CIMIP5: variants seen among roughly 807,000 people sequenced by gnomAD.
CIMIP5 encodes ciliary microtubule inner protein 5.
chr2:11,153,689 G>GT, the CIMIP5 span, among the ~76,000 whole-genome samples: 1 of 152,188 alleles, frequency 6.6e-6, no homozygotes. Context: ...GCTCATGCCT[G>GT]TAATCCCAGC....
the CIMIP5 span, among the ~76,000 whole-genome samples, chr2:11,142,766 C>T: frequency 7.3e-6 from 1 of 136,660 alleles, no homozygotes; most frequent in Non-Finnish European, 1.5e-5. Context: ...GTTGCCCAGG[C>T]TGGAGTGAAG....
the CIMIP5 span, chr2:11,133,538 G>A: frequency 1.9e-6 from 3 of 1,607,904 alleles, no homozygotes; most frequent in Non-Finnish European, 2.5e-6. Context: ...GCGTGCAGCA[G>A]GACCAGCTGT....
the CIMIP5 span, among the ~76,000 whole-genome samples, chr2:11,149,743 A>T: frequency 6.6e-6 from 1 of 152,080 alleles, no homozygotes; most frequent in African/African-American, 2.4e-5. Flanking sequence ...TAAAATAAAA[A>T]TAAAAAAAGT....
At chr2:11,135,529 C>G in the CIMIP5 span, among the ~76,000 whole-genome samples, 1 of 152,098 alleles carries the variant, frequency 6.6e-6, no homozygotes, top group Non-Finnish European at 1.5e-5. Context: ...CTCCTGTGTT[C>G]AAGCAATTCT....
chr2:11,144,447 A>C, the CIMIP5 span: 30 of 186,316 alleles, frequency 1.6e-4, no homozygotes, highest in East Asian at 3.7e-3. Context: ...GAGCTGTGGG[A>C]CCTTGAGCTG....
chr2:11,143,964 C>G, the CIMIP5 span: 2 of 1,604,760 alleles, frequency 1.2e-6, no homozygotes, highest in Non-Finnish European at 1.7e-6. Flanking sequence ...ATGTGCCTCT[C>G]TTTTCGGACA....
the CIMIP5 span, among the ~76,000 whole-genome samples, chr2:11,148,385 G>A: frequency 3.2e-4 from 48 of 152,066 alleles, no homozygotes; most frequent in Non-Finnish European, 6.0e-4. Context: ...CCAAAGTGCT[G>A]GGATTACAGG....
At chr2:11,143,882 C>G in the CIMIP5 span, 4 of 1,489,882 alleles carry the variant, frequency 2.7e-6, no homozygotes, top group African/African-American at 1.4e-5. Context: ...CCTCCTTTTT[C>G]CACGCTCTGT....
At chr2:11,141,286 G>A in the CIMIP5 span, among the ~76,000 whole-genome samples, 8 of 152,082 alleles carry the variant, frequency 5.3e-5, no homozygotes, top group Non-Finnish European at 1.0e-4. Flanking sequence ...ACACCACCAT[G>A]CCTGGCTAAT....
chr2:11,134,235 A>G, the CIMIP5 span, among the ~76,000 whole-genome samples: 3 of 152,206 alleles, frequency 2.0e-5, no homozygotes, highest in African/African-American at 4.8e-5. Flanking sequence ...TCTAAAAAAC[A>G]AAACAAAGAA....
At chr2:11,135,434 G>GTT in the CIMIP5 span, among the ~76,000 whole-genome samples, 1 of 151,910 alleles carries the variant, frequency 6.6e-6, no homozygotes, top group African/African-American at 2.4e-5. Flanking sequence ...GTGATTTTTT[G>GTT]TTTTGTTTTG....
At chr2:11,147,013 G>A in the CIMIP5 span, among the ~76,000 whole-genome samples, 3 of 152,344 alleles carry the variant, frequency 2.0e-5, no homozygotes, top group South Asian at 6.2e-4. Flanking sequence ...CCTGTGCAGA[G>A]GGGAGAGAAT....
the CIMIP5 span, chr2:11,133,425 G>A: frequency 6.2e-7 from 1 of 1,610,988 alleles, no homozygotes; most frequent in South Asian, 1.1e-5. Flanking sequence ...GGTCTCCCCA[G>A]CTGCCCGGGG....
the CIMIP5 span, among the ~76,000 whole-genome samples, chr2:11,148,465 C>T: frequency 6.6e-6 from 1 of 151,850 alleles, no homozygotes; most frequent in Non-Finnish European, 1.5e-5. Context: ...AAGTACAAGG[C>T]GAGCCTGGAG....
chr2:11,136,820 G>A, the CIMIP5 span, among the ~76,000 whole-genome samples: 1 of 152,226 alleles, frequency 6.6e-6, no homozygotes, highest in Non-Finnish European at 1.5e-5. Context: ...ATGTGAATAA[G>A]CTCTCTCTGG....
chr2:11,143,295 GT>G, the CIMIP5 span, among the ~76,000 whole-genome samples: 1 of 152,272 alleles, frequency 6.6e-6, no homozygotes, highest in South Asian at 2.1e-4. Flanking sequence ...CACACATAAT[GT>G]TGAGAGAAAG....
chr2:11,148,766 G>T, the CIMIP5 span, among the ~76,000 whole-genome samples: 3 of 110,902 alleles, frequency 2.7e-5, no homozygotes, highest in African/African-American at 9.4e-5. Context: ...ATGAAGTCTC[G>T]CTCTCGTCCC....
chr2:11,140,454 A>G, the CIMIP5 span: 1 of 1,342,050 alleles, frequency 7.5e-7, no homozygotes, highest in South Asian at 1.5e-5. Context: ...AGTGAAAGTC[A>G]TTGGTAAAAA....
chr2:11,150,241 A>G, the CIMIP5 span, among the ~76,000 whole-genome samples: 9 of 151,652 alleles, frequency 5.9e-5, no homozygotes, highest in Admixed American at 1.3e-4. Context: ...GCCCAGCCGA[A>G]AGCCCTTGTT....
Sources: gnomAD v4.1 joint callset for allele counts (sites outside exome capture counted in the v4.1 genomes callset) on GRCh38, gnomAD v4.1.1 for gene constraint, MANE v1.5 for transcripts, NCBI Gene and HGNC (gene_info 2026-07-23, HGNC 2026-07-21) for gene names.